HFE: variants seen among roughly 807,000 people sequenced by gnomAD.
HFE encodes the protein homeostatic iron regulator, also known as hereditary hemochromatosis protein.
In HFE, 36 loss-of-function variants were observed where a neutral mutation model predicts 40.9. The ratio of observed to expected loss-of-function variants is 0.88; its 90% CI spans 0.67 to 1.16. HFE has a LOEUF of 1.16. HFE is among the 50% of genes most tolerant of loss of function. The probability of loss-of-function intolerance (pLI) is 0.00; values close to 1 mark genes in which losing one functional copy is unlikely to be tolerated. For synonymous variants in HFE, 157 were observed against 165.4 expected (o/e 0.95, Z 0.39); for missense variants, 376 against 432.0 (o/e 0.87, Z 1.15).
Position 26,096,821 on chromosome 6 carries a change from T to G in HFE, c.*2595T>G. The stretch of plus-strand genomic sequence containing the variant: ...TGCATATACTTTAATAAATGTATAT[T>G]GTATTGTATACTGCATGATTTTATT... On this transcript the variant is annotated 3_prime_UTR_variant, in exon 6 of 6. Coordinates refer to ENST00000357618, the MANE Select transcript of HFE (RefSeq NM_000410.4). The G allele has an allele frequency of 2.8e-6, 1 of 352,206 alleles. No individual in the cohort carries two copies. Among genetic ancestry groups the G allele is most frequent in the Non-Finnish European group, 5.5e-6 (1 of 181,498 alleles). 21.8% of individuals were successfully genotyped at this position (352,206 alleles called of 1,614,324 possible).
chr6:26,092,253 C>T (rs1762769935), intron 3 of HFE, among the ~76,000 whole-genome samples: 1 of 151,402 alleles, frequency 6.6e-6, no homozygotes, highest in Non-Finnish European at 1.5e-5. Flanking sequence ...TCAAGTGAGG[C>T]CACTTATCAG....
chr6:26,091,674 C>G, intron 3 of HFE, 85 bp downstream of exon 3: 1 of 1,453,684 alleles, frequency 6.9e-7, no homozygotes, highest in African/African-American at 1.4e-5. Flanking sequence ...GTTGGAGTTT[C>G]AGAGGTGGCT....
chr6:26,092,605 A>G (rs923705443), intron 3 of HFE, 80 bp from the exon 4 acceptor site: 3 of 1,612,920 alleles, frequency 1.9e-6, no homozygotes, highest in African/African-American at 1.3e-5. Flanking sequence ...CCTCCAACCT[A>G]TAGAAGGAAG....
rs1407042975 is a variant in HFE, at chr6:26,091,302, G to A, written c.341-12G>A. ...CTTTGGTTGCAGTTAACAAGGCTGG[G>A]GATTTTTCCAGAGTCCCACACCCTG... On this transcript the variant is annotated splice_polypyrimidine_tract_variant and intron_variant, in intron 2 of 5. Coordinates refer to ENST00000357618, the MANE Select transcript of HFE (RefSeq NM_000410.4). 1.9e-6 allele frequency: 3 copies of A among 1,614,108 alleles called. No individual in the cohort carries two copies. The highest frequency in any genetic ancestry group is 2.5e-6 in the Non-Finnish European group (3 of 1,180,016).
At chr6:26,092,437 C>T (rs1762788086) in intron 3 of HFE, among the ~76,000 whole-genome samples, 1 of 152,102 alleles carries the variant, frequency 6.6e-6, no homozygotes, top group African/African-American at 2.4e-5. Flanking sequence ...TTTTATCTAT[C>T]AGAACAAAGA....
intron 1 of HFE, among the ~76,000 whole-genome samples, chr6:26,087,923 G>A (rs1431113751): frequency 2.0e-5 from 3 of 152,250 alleles, no homozygotes; most frequent in African/African-American, 7.2e-5. Flanking sequence ...CAAACAGGAA[G>A]TTCTTCCCTG....
intron 1 of HFE, 147 bp downstream of exon 1, chr6:26,087,663 G>C: frequency 1.5e-6 from 1 of 683,552 alleles, no homozygotes; most frequent in Non-Finnish European, 2.5e-6. Context: ...TCTGCGTCCA[G>C]ACCCCGTGAG....
At chr6:26,092,038 G>C (rs1309384645) in intron 3 of HFE, among the ~76,000 whole-genome samples, 1 of 151,932 alleles carries the variant, frequency 6.6e-6, no homozygotes, top group Non-Finnish European at 1.5e-5. Context: ...GCTGGTCACA[G>C]TCATGCGCAC....
Position 26,096,332 on chromosome 6 carries a change from C to G in HFE, c.*2106C>G. The G allele has an allele frequency of 2.6e-6, 1 of 382,484 alleles. No individual in the cohort carries two copies. The highest frequency in any genetic ancestry group is 1.9e-5 in the South Asian group (1 of 52,098). The allele number at this position is 382,484 out of a possible 1,614,324, so 23.7% of individuals were successfully genotyped here. Reference sequence around the variant, plus strand: ...TATTTTTAGTAGAGACAGGGTTTCACCATGTTGGCCAGGCTGGTCTCGAAC... The same window carrying G: ...TATTTTTAGTAGAGACAGGGTTTCAGCATGTTGGCCAGGCTGGTCTCGAAC... On this transcript the variant is annotated 3_prime_UTR_variant, in exon 6 of 6. Coordinates refer to ENST00000357618, the MANE Select transcript of HFE (RefSeq NM_000410.4).
Position 26,096,085 on chromosome 6 carries a change from C to G in HFE, c.*1859C>G. 1 of 155,066 alleles carries G rather than the reference C, an allele frequency of 6.4e-6. No individual in the cohort carries two copies. 9.6% of individuals were successfully genotyped at this position (155,066 alleles called of 1,614,324 possible). A position where few individuals can be genotyped will look rare whatever the true frequency, so the allele number is the denominator to read the frequency against. On this transcript the variant is annotated 3_prime_UTR_variant, in exon 6 of 6. Coordinates refer to ENST00000357618, the MANE Select transcript of HFE (RefSeq NM_000410.4). ...TTCCGGTGCACATTAAAAAAAAAAT[C>G]TAACCAGGACATTCAGGAATTGCTA...
intron 2 of HFE, 43 bp downstream of exon 2, chr6:26,091,147 T>C (rs1289805570): frequency 8.7e-6 from 14 of 1,611,218 alleles, no homozygotes; most frequent in Non-Finnish European, 1.2e-5. Context: ...TTGTCAGAGC[T>C]TTTCATCTTT....
rs777384584 is a variant in HFE, at chr6:26,094,247, T to G, written c.*21T>G. The G allele has an allele frequency of 7.4e-6, 12 of 1,612,732 alleles. No homozygotes were observed. In the South Asian group the frequency reaches 8.8e-5, roughly 12 times the overall value. ...AGTGACACGCAGCCTGCAGACTCAC[T>G]GTGGGAAGGAGACAAAACTAGAGAC... is the stretch of plus-strand genomic sequence containing the variant. On this transcript the variant is annotated 3_prime_UTR_variant, in exon 6 of 6. Coordinates refer to ENST00000357618, the MANE Select transcript of HFE (RefSeq NM_000410.4).
Position 26,090,826 on chromosome 6 carries a change from T to C in HFE, c.77-15T>C. 6.2e-7 allele frequency: 1 copy of C among 1,613,094 alleles called. No individual in the cohort carries two copies. Among genetic ancestry groups the C allele is most frequent in the Non-Finnish European group, 8.5e-7 (1 of 1,179,926 alleles). ...TCCTACTACACATGGTTAAGGCCTG[T>C]TGCTCTGTCTCCAGGTTCACACTCT... is the stretch of plus-strand genomic sequence containing the variant. On this transcript the variant is annotated splice_polypyrimidine_tract_variant and intron_variant, in intron 1 of 5. Transcript: ENST00000357618.
intron 3 of HFE, among the ~76,000 whole-genome samples, chr6:26,091,902 G>A (rs1325177755): frequency 6.6e-6 from 1 of 152,004 alleles, no homozygotes; most frequent in Non-Finnish European, 1.5e-5. Context: ...GTCAAGGCCG[G>A]GCACGGTGGC....
chr6:26,091,105 G>T lies in HFE; in HGVS notation c.340+1G>T. The T allele has an allele frequency of 6.2e-7, 1 of 1,614,180 alleles. No individual in the cohort carries two copies. The highest frequency in any genetic ancestry group is 8.5e-7 in the Non-Finnish European group (1 of 1,180,024). Reference sequence around the variant, plus strand: ...ATGGAAAATCACAACCACAGCAAGGGTATGTGGAGAGGGGGCCTCACCTTC... The same window carrying T: ...ATGGAAAATCACAACCACAGCAAGGTTATGTGGAGAGGGGGCCTCACCTTC... On this transcript the variant is annotated splice_donor_variant, in intron 2 of 5. Transcript: ENST00000357618. LOFTEE classifies it high-confidence loss of function.
In HFE at chr6:26,093,122, C is replaced by A. The variant is rs755284374; in HGVS notation, c.896C>A (p.Pro299His). ...TAACTTGCTTTTTCTGTTTTAGAGC[C>A]CTCACCGTCTGGCACCCTAGTCATT... is the stretch of plus-strand genomic sequence containing the variant. Reference protein sequence around the residue: ...LDQPLIVIWEPSPSGTLVIGV... With the variant: ...LDQPLIVIWEHSPSGTLVIGV... Residue 299 changes from proline (P) to histidine (H), a missense_variant, in exon 5 of 6, where the codon CCC becomes CAC. By Grantham distance (77) the Pro-to-His change is moderately conservative. Transcript: ENST00000357618. 4 of 1,613,858 alleles carry A rather than the reference C, an allele frequency of 2.5e-6. No homozygotes were observed. Among genetic ancestry groups the A allele is most frequent in the African/African-American group, 2.7e-5 (2 of 74,884 alleles).
Position 26,087,489 on chromosome 6 carries a change from A to G in HFE, c.49A>G (p.Thr17Ala). ...PALLLLMLLQ[T>A]AVLQGRLLRS... ...GCTTCTCCTCCTGATGCTTTTGCAG[A>G]CCGCGGTCCTGCAGGGGCGCTTGCT... The change falls in exon 1 of 6, where the codon ACC becomes GCC. Residue 17 changes from threonine to alanine, a missense_variant. Thr to Ala is a moderately conservative substitution (Grantham distance 58). This residue lies in a region of HFE where 200 missense variants were observed against 228.5 expected (regional missense o/e 0.88). Coordinates refer to ENST00000357618, the MANE Select transcript of HFE (RefSeq NM_000410.4). The G allele has an allele frequency of 1.9e-6, 3 of 1,614,018 alleles. No homozygotes were observed. The South Asian group carries it at 3.3e-5, about 18-fold the overall frequency.
rs1763101607 is a variant in HFE, at chr6:26,097,998, T to C, written c.*3772T>C. 1 of 152,214 alleles carries C rather than the reference T, an allele frequency of 6.6e-6. No homozygotes were observed. The highest frequency in any genetic ancestry group is 2.1e-4 in the South Asian group (1 of 4,830). 9.4% of individuals were successfully genotyped at this position (152,214 alleles called of 1,614,324 possible). On this transcript the variant is annotated 3_prime_UTR_variant, in exon 6 of 6. Coordinates refer to ENST00000357618, the MANE Select transcript of HFE (RefSeq NM_000410.4). ...GACTTTCAAATTAAAGATTTTCACA[T>C]GCAGGCTGATATTTGTAATTGTGAT...
At chr6:26,092,559 C>A in intron 3 of HFE, 126 bp from the exon 4 acceptor site, 2 of 1,566,348 alleles carry the variant, frequency 1.3e-6, no homozygotes, top group South Asian at 1.1e-5. Flanking sequence ...GGTGTCTCTC[C>A]TGTAGCTTGT....
Sources: gnomAD v4.1 joint callset for allele counts (sites outside exome capture counted in the v4.1 genomes callset) on GRCh38, gnomAD v4.1.1 for gene constraint, gnomAD v4.1.1 regional missense constraint, MANE v1.5 for transcripts, NCBI Gene and HGNC (gene_info 2026-07-23, HGNC 2026-07-21) for gene names.